MARCHF11: variants seen among roughly 807,000 people sequenced by gnomAD.
The protein encoded by MARCHF11 is membrane associated ring-CH-type finger 11.
MARCHF11 carries 29 observed loss-of-function variants against 37.3 expected under a neutral mutation model. That is an observed-to-expected ratio of 0.78 (90% CI 0.58 to 1.06). The LOEUF is 1.06. Among genes scored for constraint, MARCHF11 ranks in the 50% least tolerant of loss-of-function variants. The pLI, the probability that MARCHF11 is intolerant of heterozygous loss-of-function variation, is 0.00. For missense variants in MARCHF11, 482 were observed against 533.4 expected, an observed-to-expected ratio of 0.90 and a Z score of 0.95; for synonymous variants, 233 against 228.0, an observed-to-expected ratio of 1.02 and a Z score of -0.20.
chr5:16,095,485 G>GAA (rs60755515), intron 2 of MARCHF11, among the ~76,000 whole-genome samples: 2 of 136,392 alleles, frequency 1.5e-5, no homozygotes, highest in African/African-American at 2.6e-5. Context: ...AGGAAGGAAG[G>GAA]GAGGGAGGGA....
chr5:16,165,186 A>G (rs1450551670), intron 2 of MARCHF11, among the ~76,000 whole-genome samples: 1 of 151,892 alleles, frequency 6.6e-6, no homozygotes, highest in African/African-American at 2.4e-5. Context: ...CTCAGACGTC[A>G]CCTCCTCAGA....
chr5:16,112,485 T>C (rs770851303), intron 2 of MARCHF11, among the ~76,000 whole-genome samples: 1 of 152,206 alleles, frequency 6.6e-6, no homozygotes, highest in Non-Finnish European at 1.5e-5. Context: ...TCAGCTTTTT[T>C]CTCCCATTTG....
intron 2 of MARCHF11, among the ~76,000 whole-genome samples, chr5:16,150,498 T>C (rs1383902401): frequency 1.3e-5 from 2 of 149,464 alleles, no homozygotes; most frequent in African/African-American, 5.1e-5. Flanking sequence ...GTGGGAAAAG[T>C]ATTGGGATCT....
rs1429578416 is a variant in MARCHF11, at chr5:16,069,551, G to A, written c.887-1758C>T. ...TTTATTAGAAAAGTTAATCTAAAGTGGATTTGGGGAGTTGGGGAGATAGTA... is the reference window on the plus strand; with the variant it reads ...TTTATTAGAAAAGTTAATCTAAAGTAGATTTGGGGAGTTGGGGAGATAGTA... On this transcript the variant is annotated intron_variant, in intron 3 of 3. Coordinates refer to ENST00000332432, the MANE Select transcript of MARCHF11 (RefSeq NM_001102562.3). 2.6e-5 allele frequency among the ~76,000 whole-genome samples: 4 copies of A among 152,086 alleles called. No homozygotes were observed. The East Asian group carries it at 5.8e-4, about 22-fold the overall frequency.
intron 2 of MARCHF11, among the ~76,000 whole-genome samples, chr5:16,150,136 G>GAA (rs1289253528): frequency 6.7e-6 from 1 of 149,306 alleles, no homozygotes; most frequent in African/African-American, 2.6e-5. Context: ...AAGTTATACA[G>GAA]TTTAGATTTA....
At position 16,166,800 on chromosome 5, in the gene MARCHF11, CTAAT is replaced by C. The variant is rs570795490; in HGVS notation, c.693+10922_693+10925del. ...TGAGTTTATAAGAATGTACCCCACTCTAATCAAGTATCACATGATCCATTTTAGC... is the reference window on the plus strand; with the variant it reads ...TGAGTTTATAAGAATGTACCCCACTCCAAGTATCACATGATCCATTTTAGC... On this transcript the variant is annotated intron_variant, in intron 2 of 3. Transcript: ENST00000332432. 1.6e-4 allele frequency among the ~76,000 whole-genome samples: 25 copies of C among 152,108 alleles called. No individual in the cohort carries two copies. In the East Asian group the frequency reaches 4.5e-3, roughly 27 times the overall value.
chr5:16,075,403 C>T (rs1736500450), intron 3 of MARCHF11, among the ~76,000 whole-genome samples: 1 of 151,962 alleles, frequency 6.6e-6, no homozygotes, highest in African/African-American at 2.4e-5. Context: ...TACTGCCCAC[C>T]ACTCTACACA....
intron 2 of MARCHF11, among the ~76,000 whole-genome samples, chr5:16,161,188 C>A (rs912399365): frequency 2.0e-5 from 2 of 102,362 alleles, no homozygotes; most frequent in Non-Finnish European, 3.6e-5. Context: ...CTCCCCCCTC[C>A]CCCCACCCCA....
chr5:16,097,809 G>A (rs746590601), intron 2 of MARCHF11, among the ~76,000 whole-genome samples: 5 of 152,100 alleles, frequency 3.3e-5, no homozygotes, highest in Admixed American at 6.5e-5. Flanking sequence ...GAAAACAGAG[G>A]AGGACAGAAC....
At chr5:16,108,088 T>G (rs1193843544) in intron 2 of MARCHF11, among the ~76,000 whole-genome samples, 1 of 152,232 alleles carries the variant, frequency 6.6e-6, no homozygotes, top group East Asian at 1.9e-4. Context: ...GAGCGTCCAC[T>G]GAGCTGGTTA....
chr5:16,100,435 C>A (rs1736936579), intron 2 of MARCHF11, among the ~76,000 whole-genome samples: 1 of 152,158 alleles, frequency 6.6e-6, no homozygotes, highest in African/African-American at 2.4e-5. Context: ...CTGGGAAGTT[C>A]CAAAATTCAA....
intron 2 of MARCHF11, among the ~76,000 whole-genome samples, chr5:16,109,777 G>A (rs2064067088): frequency 6.6e-6 from 1 of 152,146 alleles, no homozygotes; most frequent in Non-Finnish European, 1.5e-5. Flanking sequence ...TCAACCTGTA[G>A]AATCTGATGC....
chr5:16,123,068 C>T (rs200628158), intron 2 of MARCHF11, among the ~76,000 whole-genome samples: 3 of 152,306 alleles, frequency 2.0e-5, no homozygotes, highest in East Asian at 3.9e-4. Flanking sequence ...TCAGCTCCTC[C>T]AGCGCAAGTC....
At chr5:16,091,813 G>T (rs557042225) in intron 2 of MARCHF11, among the ~76,000 whole-genome samples, 70 of 152,268 alleles carry the variant, frequency 4.6e-4, no homozygotes, top group African/African-American at 1.6e-3. Context: ...ATATTCAAAA[G>T]AATTTACAGT....
chr5:16,154,799 T>C (rs1327078261), intron 2 of MARCHF11, among the ~76,000 whole-genome samples: 1 of 151,982 alleles, frequency 6.6e-6, no homozygotes, highest in Admixed American at 6.6e-5. Context: ...ACATATCATT[T>C]TTATGCCACA....
At chr5:16,122,290 G>T (rs1428446965) in intron 2 of MARCHF11, among the ~76,000 whole-genome samples, 1 of 152,062 alleles carries the variant, frequency 6.6e-6, no homozygotes, top group Non-Finnish European at 1.5e-5. Context: ...GACAGAAAAA[G>T]GAGTTCCTCC....
intron 3 of MARCHF11, among the ~76,000 whole-genome samples, chr5:16,082,573 C>T (rs1736630009): frequency 6.6e-6 from 1 of 152,082 alleles, no homozygotes; most frequent in African/African-American, 2.4e-5. Context: ...CAAAGGTCGC[C>T]TTAGTAGTCA....
intron 2 of MARCHF11, among the ~76,000 whole-genome samples, chr5:16,110,547 G>C (rs187068337): frequency 6.2e-4 from 95 of 152,180 alleles, no homozygotes; most frequent in Admixed American, 1.5e-3. Context: ...AAGGTATTCA[G>C]GTTTCTTTTA....
intron 2 of MARCHF11, among the ~76,000 whole-genome samples, chr5:16,094,829 T>C (rs1736839892): frequency 6.6e-6 from 1 of 152,188 alleles, no homozygotes; most frequent in African/African-American, 2.4e-5. Flanking sequence ...TTAATAATTA[T>C]AGCTTCTATT....
Sources: allele counts gnomAD v4.1 joint callset (sites outside exome capture counted in the v4.1 genomes callset), GRCh38; gene constraint gnomAD v4.1.1; transcripts MANE v1.5; gene names NCBI Gene and HGNC (gene_info 2026-07-23, HGNC 2026-07-21).